Variants in TENM2 observed in about 807,000 individuals in gnomAD.
The protein encoded by TENM2 is teneurin-2.
TENM2 carries 52 observed loss-of-function variants against 245.2 expected under a neutral mutation model. That is an observed-to-expected ratio of 0.21 (90% confidence interval 0.17 to 0.27). The LOEUF is 0.27. TENM2 is among the 10% of genes least tolerant of loss of function. The pLI, the probability that TENM2 is intolerant of heterozygous loss-of-function variation, is 1.00. For synonymous variants in TENM2, 1,363 were observed against 1,438.9 expected (o/e 0.95, Z 1.19); for missense variants, 3,046 against 3,666.8 (o/e 0.83, Z 4.37).
chr5:167,309,763 C>G (rs181527097), intron 1 of TENM2: 1 of 152,242 alleles, frequency 6.6e-6, no homozygotes, highest in African/African-American at 2.4e-5. Flanking sequence ...ACAAGCTACT[C>G]CAGGAGAGGC....
chr5:167,673,721 A>C (rs73801348), intron 2 of TENM2, among the ~76,000 whole-genome samples: 243 of 152,232 alleles, frequency 1.6e-3, no homozygotes, highest in African/African-American at 5.5e-3. Context: ...AGCTTCTATT[A>C]AATTTGAACC....
chr5:167,943,959 G>A lies in TENM2; in HGVS notation c.713-8629G>A, dbSNP rs79235710. On this transcript the variant is annotated intron_variant, in intron 3 of 28. Coordinates refer to ENST00000518659, the Ensembl canonical transcript of TENM2. ...GTAATAAAATCTTCTCTTTAGAAGG[G>A]TCCTTCTCAGATATTTCAAGTGGTC... is the stretch of plus-strand genomic sequence containing the variant. Among the ~76,000 whole-genome samples the A allele has an allele frequency of 1.7e-4, 26 of 152,280 alleles. 1 individual carries two copies. The East Asian group carries it at 4.8e-3, about 28-fold the overall frequency.
intron 2 of TENM2, among the ~76,000 whole-genome samples, chr5:167,801,053 G>A (rs6555769): frequency 0.23 from 31,784 of 136,598 alleles, 4,177 homozygotes; most frequent in East Asian, 0.4. Context: ...TTGACCATAG[G>A]AGTACAGTAC....
intron 2 of TENM2, among the ~76,000 whole-genome samples, chr5:167,740,737 C>A (rs1308665032): frequency 6.6e-6 from 1 of 152,188 alleles, no homozygotes; most frequent in Admixed American, 6.5e-5. Context: ...CAGTAGTTGG[C>A]TGTCTTCTTT....
At chr5:167,277,303 T>C in the TENM2 span, among the ~76,000 whole-genome samples, 215 of 152,312 alleles carry the variant, frequency 1.4e-3, 2 homozygotes, top group Admixed American at 9.8e-4. Context: ...AATACTGATA[T>C]TGTAGTTTCA....
At chr5:167,350,551 C>CATATATATGGGATATATATAGAT (rs1324569433) in intron 1 of TENM2, among the ~76,000 whole-genome samples, 68 of 130,306 alleles carry the variant, frequency 5.2e-4, no homozygotes, top group African/African-American at 1.5e-3. Context: ...ACAACCTATC[C>CATATATATGGGATATATATAGAT]ATATATATGG....
At chr5:167,702,147 A>G (rs935162179) in intron 2 of TENM2, among the ~76,000 whole-genome samples, 3 of 152,192 alleles carry the variant, frequency 2.0e-5, no homozygotes, top group Non-Finnish European at 4.4e-5. Context: ...CTGAAACGCC[A>G]AAGAAAGGTT....
At chr5:167,765,475 G>A (rs1762953228) in intron 2 of TENM2, among the ~76,000 whole-genome samples, 2 of 152,174 alleles carry the variant, frequency 1.3e-5, no homozygotes, top group African/African-American at 4.8e-5. Context: ...AAATCTGCCA[G>A]CTGGTTTTGT....
At chr5:168,246,798 T>G in exon 27 of TENM2, 1 of 1,613,964 alleles carries the variant, frequency 6.2e-7, no homozygotes. Context: ...AGTATATATT[T>G]GAGTATGACT....
At chr5:167,580,183 G>A (rs1012551910) in intron 2 of TENM2, among the ~76,000 whole-genome samples, 1 of 152,168 alleles carries the variant, frequency 6.6e-6, no homozygotes, top group Non-Finnish European at 1.5e-5. Flanking sequence ...TACCTGACGT[G>A]AAACATTTCT....
intron 2 of TENM2, among the ~76,000 whole-genome samples, chr5:167,392,218 AATAAG>A (rs887122999): frequency 9.8e-5 from 15 of 152,324 alleles, no homozygotes; most frequent in African/African-American, 1.9e-4. Flanking sequence ...AACAAAAATA[AATAAG>A]ATAAGAGTTC....
At chr5:167,934,136 A>G (rs955666953) in intron 3 of TENM2, among the ~76,000 whole-genome samples, 6 of 152,218 alleles carry the variant, frequency 3.9e-5, no homozygotes, top group African/African-American at 1.2e-4. Flanking sequence ...CCCAGAACAC[A>G]TATTATCATG....
chr5:168,205,547 C>T (rs1204349248), intron 19 of TENM2, among the ~76,000 whole-genome samples: 2 of 152,130 alleles, frequency 1.3e-5, no homozygotes, highest in Non-Finnish European at 2.9e-5. Context: ...ACCTCTTGTA[C>T]TAGGTCACGT....
chr5:167,020,177 C>T, the TENM2 span, among the ~76,000 whole-genome samples: 1 of 152,098 alleles, frequency 6.6e-6, no homozygotes, highest in Admixed American at 6.6e-5. Flanking sequence ...AAATTTTGCT[C>T]ACAAACACTT....
chr5:167,047,800 A>G, the TENM2 span, among the ~76,000 whole-genome samples: 2 of 152,148 alleles, frequency 1.3e-5, no homozygotes, highest in African/African-American at 4.8e-5. Context: ...TGGTTGTGTG[A>G]TGATGTTTCT....
chr5:168,038,075 T>G (rs565229673), intron 5 of TENM2, among the ~76,000 whole-genome samples: 2 of 152,280 alleles, frequency 1.3e-5, no homozygotes, highest in East Asian at 1.9e-4. Flanking sequence ...ACTCAAGAGC[T>G]TCAGGTGTCA....
chr5:167,257,162 A>G, the TENM2 span, among the ~76,000 whole-genome samples: 3 of 152,130 alleles, frequency 2.0e-5, no homozygotes, highest in Admixed American at 1.3e-4. Context: ...TCAATAAATT[A>G]GGTTATACAG....
chr5:167,114,492 T>C, the TENM2 span, among the ~76,000 whole-genome samples: 4 of 152,238 alleles, frequency 2.6e-5, no homozygotes, highest in African/African-American at 9.6e-5. Context: ...CTAGAAGAGA[T>C]ATCAGTTAAA....
At chr5:167,096,481 C>T in the TENM2 span, among the ~76,000 whole-genome samples, 1 of 152,192 alleles carries the variant, frequency 6.6e-6, no homozygotes, top group Admixed American at 6.5e-5. Flanking sequence ...GATCTGATCA[C>T]TCTCTTTCCA....
Sources: gnomAD v4.1 joint callset for allele counts (sites outside exome capture counted in the v4.1 genomes callset) on GRCh38, gnomAD v4.1.1 for gene constraint, MANE v1.5 for transcripts, NCBI Gene and HGNC (gene_info 2026-07-23, HGNC 2026-07-21) for gene names.